Variants in LUZP2 observed in about 807,000 individuals in gnomAD.
LUZP2 encodes the protein leucine zipper protein 2.
LUZP2 carries 52 observed loss-of-function variants against 51.6 expected under a neutral mutation model. That is an observed-to-expected ratio of 1.01 (90% CI 0.81 to 1.27). The LOEUF (loss-of-function observed/expected upper bound fraction) is 1.27. Ranked by LOEUF, LUZP2 falls within the 50% of genes most tolerant of loss-of-function variation. LUZP2 has a pLI of 0.00. For missense variants in LUZP2, 436 were observed against 395.4 expected (o/e 1.10, Z -0.87); for synonymous variants, 154 against 137.3 (o/e 1.12, Z -0.85).
chr11:24,995,103 T>C lies in LUZP2; in HGVS notation c.765+11810T>C, dbSNP rs78683391. Among the ~76,000 whole-genome samples, 1,030 of 152,326 alleles carry C rather than the reference T, an allele frequency of 6.8e-3. 34 individuals carry two copies. The East Asian group carries it at 0.098, about 15-fold the overall frequency. ...ATAGGTTTTGCTTTTAAAAATGAAT[T>C]ACAGGCTGGATGTGATGGCTCACAC... is the stretch of plus-strand genomic sequence containing the variant. On this transcript the variant is annotated intron_variant, in intron 9 of 11. Coordinates refer to ENST00000336930, the MANE Select transcript of LUZP2 (RefSeq NM_001009909.4).
At chr11:25,005,815 A>G (rs909929728) in intron 9 of LUZP2, among the ~76,000 whole-genome samples, 1 of 152,148 alleles carries the variant, frequency 6.6e-6, no homozygotes, top group African/African-American at 2.4e-5. Context: ...GACCACAAAG[A>G]AGACCAGGAA....
intron 1 of LUZP2, among the ~76,000 whole-genome samples, chr11:24,551,976 C>A (rs970464314): frequency 6.6e-6 from 1 of 151,790 alleles, no homozygotes; most frequent in African/African-American, 2.4e-5. Context: ...AGGCAACAGG[C>A]CCAACTGGCT....
At chr11:25,008,446 G>A (rs1399088430) in intron 9 of LUZP2, among the ~76,000 whole-genome samples, 1 of 152,192 alleles carries the variant, frequency 6.6e-6, no homozygotes, top group Non-Finnish European at 1.5e-5. Flanking sequence ...CAGCTTGTTT[G>A]TGTTACAGCT....
chr11:24,772,986 T>C (rs1848795597), intron 5 of LUZP2, among the ~76,000 whole-genome samples: 1 of 152,166 alleles, frequency 6.6e-6, no homozygotes, highest in African/African-American at 2.4e-5. Context: ...AATAAGTTCA[T>C]ATTCTGAAGT....
intron 7 of LUZP2, among the ~76,000 whole-genome samples, chr11:24,919,692 A>G (rs1853963271): frequency 6.7e-6 from 1 of 149,680 alleles, no homozygotes; most frequent in African/African-American, 2.4e-5. Flanking sequence ...TTAAATTTAC[A>G]TTATGATGAA....
chr11:24,801,447 A>G (rs1849696196), intron 5 of LUZP2, among the ~76,000 whole-genome samples: 3 of 151,980 alleles, frequency 2.0e-5, no homozygotes, highest in Admixed American at 2.0e-4. Context: ...CCATTTGAAA[A>G]ATATTTATTT....
chr11:24,602,109 T>C lies in LUZP2; in HGVS notation c.62+104804T>C, dbSNP rs192152569. Among the ~76,000 whole-genome samples the C allele has an allele frequency of 1.5e-3, 177 of 118,528 alleles. 4 individuals carry two copies. Among genetic ancestry groups the C allele is most frequent in the Non-Finnish European group, 2.6e-3 (152 of 59,476 alleles). 77.8% of individuals were successfully genotyped at this position (118,528 alleles called of 152,430 possible). A position where few individuals can be genotyped will look rare whatever the true frequency, so the allele number is the denominator to read the frequency against. On this transcript the variant is annotated intron_variant, in intron 1 of 11. Transcript: ENST00000336930. ...GTATATATGTATATATGTGTATATG[T>C]GTATATATGTATATATGTATATGTG...
At chr11:25,071,809 A>G (rs1416775987) in intron 10 of LUZP2, among the ~76,000 whole-genome samples, 1 of 148,870 alleles carries the variant, frequency 6.7e-6, no homozygotes, top group Non-Finnish European at 1.5e-5. Flanking sequence ...CCTAAAACTT[A>G]AAGTATAGTA....
At chr11:25,046,248 A>G (rs1440706703) in intron 9 of LUZP2, among the ~76,000 whole-genome samples, 2 of 149,760 alleles carry the variant, frequency 1.3e-5, no homozygotes, top group Non-Finnish European at 3.0e-5. Context: ...TGAGTCAATG[A>G]TTATTAGGAA....
chr11:24,940,826 G>A (rs920728218), intron 7 of LUZP2, among the ~76,000 whole-genome samples: 1 of 151,924 alleles, frequency 6.6e-6, no homozygotes, highest in African/African-American at 2.4e-5. Flanking sequence ...TTTCCCAACT[G>A]CAAAATAGAA....
chr11:24,902,059 T>C (rs1161942909), intron 5 of LUZP2, among the ~76,000 whole-genome samples: 9 of 152,188 alleles, frequency 5.9e-5, no homozygotes. Context: ...ATGAGAAAAG[T>C]TATTTAGTCC....
At chr11:24,677,162 C>T (rs1856585253) in intron 1 of LUZP2, among the ~76,000 whole-genome samples, 1 of 152,142 alleles carries the variant, frequency 6.6e-6, no homozygotes, top group Non-Finnish European at 1.5e-5. Flanking sequence ...AAAATCTCCA[C>T]CTGTAGCTGC....
At chr11:24,787,988 C>T (rs907116235) in intron 5 of LUZP2, among the ~76,000 whole-genome samples, 2 of 151,840 alleles carry the variant, frequency 1.3e-5, no homozygotes, top group Non-Finnish European at 2.9e-5. Flanking sequence ...GGGGCATTGT[C>T]CCCGTAAACT....
intron 1 of LUZP2, among the ~76,000 whole-genome samples, chr11:24,539,198 A>G (rs923748057): frequency 6.6e-6 from 1 of 151,912 alleles, no homozygotes; most frequent in Non-Finnish European, 1.5e-5. Context: ...TTCTCTTGTT[A>G]GAACACAAGT....
At chr11:24,765,185 G>C (rs2716535) in intron 5 of LUZP2, among the ~76,000 whole-genome samples, 89,466 of 151,688 alleles carry the variant, frequency 0.59, 26,763 homozygotes, top group Non-Finnish European at 0.66. Flanking sequence ...CGCATGTAGA[G>C]ATTAAGGCAG....
Position 24,910,495 on chromosome 11 carries a change from G to A in LUZP2, c.460-3981G>A, listed in dbSNP as rs1428457498. On this transcript the variant is annotated intron_variant, in intron 6 of 11. Coordinates refer to ENST00000336930, the MANE Select transcript of LUZP2 (RefSeq NM_001009909.4). ...CTCTGGACATGATGCCCTGCATCCC[G>A]TCTGCTTCAGCTCCAGCTGTGGCTG... is the stretch of plus-strand genomic sequence containing the variant. 1.1e-4 allele frequency among the ~76,000 whole-genome samples: 16 copies of A among 152,240 alleles called. 1 individual carries two copies. In the South Asian group the frequency reaches 2.7e-3, roughly 26 times the overall value.
At chr11:25,055,014 T>TTC (rs1858637023) in intron 10 of LUZP2, among the ~76,000 whole-genome samples, 1 of 131,636 alleles carries the variant, frequency 7.6e-6, no homozygotes, top group African/African-American at 3.1e-5. Flanking sequence ...TTCTTTTCTT[T>TTC]TTTTTTTTTT....
intron 8 of LUZP2, among the ~76,000 whole-genome samples, chr11:24,982,558 C>A (rs944159230): frequency 6.6e-6 from 1 of 151,646 alleles, no homozygotes. Flanking sequence ...ATGATGAGAA[C>A]TTAGGAAGAC....
At chr11:24,518,565 A>T (rs1850548932) in intron 1 of LUZP2, among the ~76,000 whole-genome samples, 1 of 152,228 alleles carries the variant, frequency 6.6e-6, no homozygotes, top group African/African-American at 2.4e-5. Context: ...CTTAGTCCAT[A>T]AATAGTTTTT....
Sources: gnomAD v4.1 joint callset for allele counts (sites outside exome capture counted in the v4.1 genomes callset) on GRCh38, gnomAD v4.1.1 for gene constraint, MANE v1.5 for transcripts, NCBI Gene and HGNC (gene_info 2026-07-23, HGNC 2026-07-21) for gene names.